The following TMEM45A variants were observed in gnomAD, a reference collection of about 807,000 sequenced individuals.
The protein encoded by TMEM45A is DNA polymerase-transactivated protein 4.
A neutral mutation model predicts 32.0 loss-of-function variants in TMEM45A; 25 were observed. That is an observed-to-expected ratio of 0.78 (90% CI 0.57 to 1.09). The LOEUF is 1.09. TMEM45A is among the 50% of genes least tolerant of loss of function. TMEM45A has a pLI of 0.00. For missense variants in TMEM45A, 302 were observed against 325.0 expected (o/e 0.93, Z 0.54); for synonymous variants, 122 against 114.8 (o/e 1.06, Z -0.40).
chr3:100,510,096 TC>T (rs1708134968), intron 1 of TMEM45A, among the ~76,000 whole-genome samples: 1 of 152,154 alleles, frequency 6.6e-6, no homozygotes, highest in Non-Finnish European at 1.5e-5. Flanking sequence ...GCTGAGAAGC[TC>T]GAACTGGGTG....
chr3:100,529,860 C>G (rs1705613582), intron 1 of TMEM45A, among the ~76,000 whole-genome samples: 1 of 152,018 alleles, frequency 6.6e-6, no homozygotes, highest in South Asian at 2.1e-4. Context: ...TCAAGTGATC[C>G]ACATGCCTCG....
chr3:100,558,115 A>T (rs1392508835), intron 3 of TMEM45A, among the ~76,000 whole-genome samples: 1 of 152,228 alleles, frequency 6.6e-6, no homozygotes, highest in Non-Finnish European at 1.5e-5. Context: ...TTCATTCAAA[A>T]ATACAGTTAA....
intron 1 of TMEM45A, among the ~76,000 whole-genome samples, chr3:100,505,413 G>T (rs1020692460): frequency 1.3e-5 from 2 of 151,816 alleles, no homozygotes; most frequent in Non-Finnish European, 2.9e-5. Flanking sequence ...TTCAGAAGAA[G>T]ATTTCATTGT....
At chr3:100,565,468 GT>G (rs925202891) in intron 4 of TMEM45A, among the ~76,000 whole-genome samples, 9 of 150,914 alleles carry the variant, frequency 6.0e-5, no homozygotes, top group African/African-American at 1.5e-4. Flanking sequence ...CACATGAAGT[GT>G]TTTTTTTTCT....
intron 1 of TMEM45A, among the ~76,000 whole-genome samples, chr3:100,501,002 A>G (rs1708001413): frequency 6.6e-6 from 1 of 152,228 alleles, no homozygotes; most frequent in African/African-American, 2.4e-5. Flanking sequence ...TACTACTTGT[A>G]AAATTCCACA....
intron 1 of TMEM45A, among the ~76,000 whole-genome samples, chr3:100,509,471 G>A (rs1708123700): frequency 6.6e-6 from 1 of 152,190 alleles, no homozygotes; most frequent in African/African-American, 2.4e-5. Context: ...ATATCAAGGG[G>A]ATACCTGTAC....
intron 1 of TMEM45A, among the ~76,000 whole-genome samples, chr3:100,524,198 G>A (rs1292921938): frequency 2.0e-5 from 3 of 152,190 alleles, no homozygotes; most frequent in Admixed American, 2.0e-4. Flanking sequence ...GATGGTGGGG[G>A]AGACTGCCTT....
chr3:100,576,174 G>A (rs1706680044), intron 5 of TMEM45A, among the ~76,000 whole-genome samples: 1 of 152,138 alleles, frequency 6.6e-6, no homozygotes, highest in Admixed American at 6.5e-5. Context: ...AAATTGGCTG[G>A]GCACAGTGGC....
At chr3:100,524,222 C>G (rs1205325387) in intron 1 of TMEM45A, among the ~76,000 whole-genome samples, 2 of 152,216 alleles carry the variant, frequency 1.3e-5, no homozygotes, top group African/African-American at 4.8e-5. Context: ...TATCCTGCTT[C>G]TTTCATTCAA....
At chr3:100,522,942 G>A (rs1705462744) in intron 1 of TMEM45A, among the ~76,000 whole-genome samples, 1 of 152,178 alleles carries the variant, frequency 6.6e-6, no homozygotes, top group Non-Finnish European at 1.5e-5. Flanking sequence ...ATTGCTTGGT[G>A]CAGTCTGCCA....
chr3:100,551,256 G>T (rs765159781), intron 1 of TMEM45A, among the ~76,000 whole-genome samples: 8 of 152,024 alleles, frequency 5.3e-5, no homozygotes, highest in Non-Finnish European at 1.0e-4. Context: ...CTCGTGATCC[G>T]CCTGTGTTGG....
intron 4 of TMEM45A, among the ~76,000 whole-genome samples, chr3:100,561,819 A>G (rs924773082): frequency 6.6e-6 from 1 of 152,124 alleles, no homozygotes; most frequent in Non-Finnish European, 1.5e-5. Flanking sequence ...CTTCCACTGC[A>G]TCTCCCAGCT....
intron 3 of TMEM45A, among the ~76,000 whole-genome samples, chr3:100,558,157 A>G (rs892626412): frequency 2.6e-5 from 4 of 152,234 alleles, no homozygotes; most frequent in Non-Finnish European, 5.9e-5. Flanking sequence ...CATTCATTGA[A>G]AATGTCACAA....
chr3:100,571,320 G>A (rs1706553683), intron 5 of TMEM45A: 2 of 151,854 alleles, frequency 1.3e-5, no homozygotes, highest in African/African-American at 4.8e-5. Context: ...AAATGTCCAC[G>A]TGAGTACATA....
intron 1 of TMEM45A, among the ~76,000 whole-genome samples, chr3:100,512,495 A>G (rs1239874218): frequency 1.3e-5 from 2 of 152,246 alleles, no homozygotes; most frequent in African/African-American, 4.8e-5. Context: ...GGAAATTTAT[A>G]GCACTAAATG....
At chr3:100,509,161 G>A (rs1708119454) in intron 1 of TMEM45A, among the ~76,000 whole-genome samples, 1 of 152,060 alleles carries the variant, frequency 6.6e-6, no homozygotes, top group South Asian at 2.1e-4. Context: ...ACATACGAAT[G>A]ACTAACAGGC....
intron 1 of TMEM45A, among the ~76,000 whole-genome samples, chr3:100,521,545 C>A (rs1576267904): frequency 6.6e-6 from 1 of 152,330 alleles, no homozygotes; most frequent in Middle Eastern, 3.4e-3. Flanking sequence ...AGCCACCACG[C>A]CCAGCCTCAT....
intron 1 of TMEM45A, among the ~76,000 whole-genome samples, chr3:100,495,033 C>G (rs1034071368): frequency 2.0e-5 from 3 of 152,334 alleles, no homozygotes; most frequent in African/African-American, 7.2e-5. Context: ...TGTACTCACT[C>G]TTTGTTATCT....
In TMEM45A at chr3:100,577,086, C is replaced by T. The variant is rs879499041; in HGVS notation, c.*68C>T. 59 of 1,354,406 alleles carry T rather than the reference C, an allele frequency of 4.4e-5. No homozygotes were observed. The highest frequency in any genetic ancestry group is 3.6e-4 in the Middle Eastern group (2 of 5,484). 83.9% of individuals were successfully genotyped at this position (1,354,406 alleles called of 1,614,324 possible). The stretch of plus-strand genomic sequence containing the variant: ...TTACATTGTTCTTGGTTTTGTTTCT[C>T]GATCTTTTGTTTGGAGAACAGCTGG... On this transcript the variant is annotated 3_prime_UTR_variant, in exon 6 of 6. Coordinates refer to ENST00000323523, the MANE Select transcript of TMEM45A (RefSeq NM_018004.3).
Sources: gnomAD v4.1 joint callset for allele counts (sites outside exome capture counted in the v4.1 genomes callset) on GRCh38, gnomAD v4.1.1 for gene constraint, MANE v1.5 for transcripts, NCBI Gene and HGNC (gene_info 2026-07-23, HGNC 2026-07-21) for gene names.